EML4: variants seen among roughly 807,000 people sequenced by gnomAD.
The protein encoded by EML4 is echinoderm microtubule-associated protein-like 4.
In EML4, 72 loss-of-function variants were observed where a neutral mutation model predicts 129.0. That is an observed-to-expected ratio of 0.56 (90% CI 0.46 to 0.68). The LOEUF (loss-of-function observed/expected upper bound fraction) is 0.68. EML4 is among the 30% of genes least tolerant of loss of function. EML4 has a pLI of 0.00. For synonymous variants in EML4, 532 were observed against 405.0 expected (o/e 1.31, Z -3.77); for missense variants, 1,363 against 1,190.6 (o/e 1.14, Z -2.13).
chr2:42,303,219 T>C lies in EML4; in HGVS notation c.1757T>C (p.Ile586Thr). Residue 586 changes from isoleucine to threonine, a missense_variant, in exon 15 of 23, where the codon ATA becomes ACA. Ile to Thr is a moderately conservative substitution (Grantham distance 89). Coordinates refer to ENST00000318522, the MANE Select transcript of EML4 (RefSeq NM_019063.5). ...GGAACATTTAATGATGGCTTCCAAATAGAAGTACAGGTAAGCTGTGTGATA... is the reference window on the plus strand; with the variant it reads ...GGAACATTTAATGATGGCTTCCAAACAGAAGTACAGGTAAGCTGTGTGATA... ...LRGTFNDGFQ[I>T]EVQGHTDELW... is the part of the protein sequence containing the mutation. 1 of 1,614,192 alleles carries C rather than the reference T, an allele frequency of 6.2e-7. No homozygotes were observed. Among genetic ancestry groups the C allele is most frequent in the Non-Finnish European group, 8.5e-7 (1 of 1,180,026 alleles).
intron 1 of EML4, among the ~76,000 whole-genome samples, chr2:42,180,252 C>T (rs868669261): frequency 6.6e-6 from 1 of 152,164 alleles, no homozygotes; most frequent in African/African-American, 2.4e-5. Context: ...TATCATGTGG[C>T]TTCCTTTTAT....
At chr2:42,259,556 T>G (rs1665576923) in intron 3 of EML4, among the ~76,000 whole-genome samples, 1 of 152,034 alleles carries the variant, frequency 6.6e-6, no homozygotes, top group African/African-American at 2.4e-5. Flanking sequence ...AGTATATATC[T>G]CTGATCAAAT....
rs764573145 is a variant in EML4 at position 42,330,091 on chromosome 2, G to T, written c.2830G>T (p.Glu944Ter). The T allele has an allele frequency of 3.1e-6, 5 of 1,612,868 alleles. No individual in the cohort carries two copies. The highest frequency in any genetic ancestry group is 3.3e-5 in the Admixed American group (2 of 59,814). Residue 944 changes from glutamate to a stop codon, truncating the protein, a stop_gained, in exon 23 of 23, where the codon GAG becomes TAG. Coordinates refer to ENST00000318522, the MANE Select transcript of EML4 (RefSeq NM_019063.5). LOFTEE classifies it high-confidence loss of function. ...AGACCACAGCGAGGAGGAGAGTGAA[G>T]AGGGCAGCGGAGACCTTGGTGAGCC... ...SEDHSEEESEEGSGDLGEPLY... is the reference protein window; with the variant it reads ...SEDHSEEESE
At chr2:42,304,807 A>G (rs192376496) in intron 17 of EML4, among the ~76,000 whole-genome samples, 15 of 152,340 alleles carry the variant, frequency 9.8e-5, no homozygotes, top group Non-Finnish European at 1.9e-4. Flanking sequence ...TGAAGCCTAC[A>G]TTTTAGCGTG....
At chr2:42,194,722 G>T (rs950924606) in intron 1 of EML4, among the ~76,000 whole-genome samples, 5 of 151,890 alleles carry the variant, frequency 3.3e-5, no homozygotes, top group African/African-American at 1.2e-4. Context: ...ATGTTGCCCA[G>T]TCTGGTCTCG....
At chr2:42,313,613 G>A (rs1303239070) in intron 17 of EML4, among the ~76,000 whole-genome samples, 1 of 151,896 alleles carries the variant, frequency 6.6e-6, no homozygotes, top group African/African-American at 2.4e-5. Flanking sequence ...CCAGATATTA[G>A]TTATAGTGCT....
intron 18 of EML4, 73 bp downstream of exon 18, chr2:42,316,123 T>A: frequency 9.8e-7 from 1 of 1,020,214 alleles, no homozygotes; most frequent in East Asian, 2.4e-5. Flanking sequence ...GTTTTACTTC[T>A]AATAAGGCTG....
chr2:42,322,153 G>A (rs563645704), intron 19 of EML4, among the ~76,000 whole-genome samples: 3 of 152,176 alleles, frequency 2.0e-5, no homozygotes, highest in Non-Finnish European at 4.4e-5. Flanking sequence ...TTTTTATGAA[G>A]TTTACTAAGT....
chr2:42,308,779 C>T (rs1272138539), intron 17 of EML4, among the ~76,000 whole-genome samples: 1 of 152,094 alleles, frequency 6.6e-6, no homozygotes, highest in Non-Finnish European at 1.5e-5. Context: ...GCAACTGACC[C>T]ACTTTCTGTT....
At chr2:42,329,591 T>G in intron 22 of EML4, 143 bp from the exon 23 acceptor site, 6 of 648,210 alleles carry the variant, frequency 9.3e-6, no homozygotes, top group East Asian at 2.7e-5. Flanking sequence ...GCCTTACTCC[T>G]GAGATTTGAT....
intron 11 of EML4, among the ~76,000 whole-genome samples, chr2:42,291,998 G>C (rs781453487): frequency 6.6e-6 from 1 of 152,180 alleles, no homozygotes; most frequent in African/African-American, 2.4e-5. Context: ...TAAGGTTGCT[G>C]AGGAGGCAAA....
intron 17 of EML4, among the ~76,000 whole-genome samples, chr2:42,312,767 G>T (rs554495103): frequency 6.7e-6 from 1 of 149,230 alleles, no homozygotes; most frequent in East Asian, 2.0e-4. Flanking sequence ...GTTAGCCAGG[G>T]TGGGCTCGAT....
chr2:42,234,978 G>A lies in EML4; in HGVS notation c.26-10527G>A, dbSNP rs564613315. 6.6e-5 allele frequency among the ~76,000 whole-genome samples: 10 copies of A among 152,216 alleles called. No homozygotes were observed. The East Asian group carries it at 9.7e-4, about 15-fold the overall frequency. On this transcript the variant is annotated intron_variant, in intron 1 of 22. Transcript: ENST00000318522. ...TCAAGGCCAGCCTGGCCAACGTGGC[G>A]AAACCCCATCTCTACTAAAAATACA...
intron 17 of EML4, among the ~76,000 whole-genome samples, chr2:42,306,451 T>C (rs965863066): frequency 6.6e-6 from 1 of 151,328 alleles, no homozygotes; most frequent in East Asian, 1.9e-4. Context: ...AGAGATATCA[T>C]TTATTCAGTG....
At chr2:42,247,176 G>T (rs1316090573) in intron 2 of EML4, among the ~76,000 whole-genome samples, 1 of 152,156 alleles carries the variant, frequency 6.6e-6, no homozygotes, top group Non-Finnish European at 1.5e-5. Context: ...AAATGGGGTG[G>T]TAATTGATGA....
At chr2:42,195,581 A>G (rs1186077706) in intron 1 of EML4, among the ~76,000 whole-genome samples, 1 of 152,222 alleles carries the variant, frequency 6.6e-6, no homozygotes, top group Non-Finnish European at 1.5e-5. Context: ...GTGCCAATAT[A>G]TAGACCATTC....
chr2:42,271,808 T>C (rs904493092), intron 6 of EML4, among the ~76,000 whole-genome samples: 5 of 152,178 alleles, frequency 3.3e-5, no homozygotes, highest in African/African-American at 1.2e-4. Flanking sequence ...TAGTTAGAAA[T>C]CTGTGCTGTC....
intron 6 of EML4, among the ~76,000 whole-genome samples, chr2:42,267,521 A>AT (rs1325271278): frequency 6.6e-6 from 1 of 152,192 alleles, no homozygotes; most frequent in African/African-American, 2.4e-5. Context: ...GAAGAAGCCT[A>AT]TTTACATATG....
At chr2:42,286,114 C>A (rs1463703303) in intron 9 of EML4, 155 bp from the exon 10 acceptor site, 3 of 662,532 alleles carry the variant, frequency 4.5e-6, no homozygotes, top group African/African-American at 1.8e-5. Context: ...AAGAAAATAC[C>A]TACTTAAGAT....
Sources: gnomAD v4.1 joint callset for allele counts (sites outside exome capture counted in the v4.1 genomes callset) on GRCh38, gnomAD v4.1.1 for gene constraint, MANE v1.5 for transcripts, NCBI Gene and HGNC (gene_info 2026-07-23, HGNC 2026-07-21) for gene names.